The following SNX25 variants were observed in gnomAD, a reference collection of about 807,000 sequenced individuals.
SNX25 encodes the protein sorting nexin 25, also known as sorting nexin-25.
SNX25 carries 62 observed loss-of-function variants against 113.7 expected under a neutral mutation model. The ratio of observed to expected loss-of-function variants is 0.55; its 90% confidence interval spans 0.44 to 0.67. The LOEUF (loss-of-function observed/expected upper bound fraction) is 0.67, where lower values mean the gene tolerates loss of function less well. Among genes scored for constraint, SNX25 ranks in the 30% least tolerant of loss-of-function variants. The pLI, the probability that SNX25 is intolerant of heterozygous loss-of-function variation, is 0.00. For missense variants in SNX25, 1,014 were observed against 1,161.0 expected, an observed-to-expected ratio of 0.87 and a Z score of 1.84; for synonymous variants, 421 against 436.2, an observed-to-expected ratio of 0.97 and a Z score of 0.43.
chr4:185,317,675 A>G (rs1232671261), intron 7 of SNX25, among the ~76,000 whole-genome samples: 1 of 152,168 alleles, frequency 6.6e-6, no homozygotes, highest in Non-Finnish European at 1.5e-5. Flanking sequence ...TTGCAGGGAC[A>G]TGGATGAAGC....
At position 185,232,507 on chromosome 4, in the gene SNX25, A is replaced by G. The variant is rs951777494; in HGVS notation, c.430-14787A>G. 2.4e-4 allele frequency among the ~76,000 whole-genome samples: 36 copies of G among 152,338 alleles called. No homozygotes were observed. Among genetic ancestry groups the G allele is most frequent in the South Asian group, 4.1e-4 (2 of 4,826 alleles). On this transcript the variant is annotated intron_variant, in intron 1 of 18. Coordinates refer to ENST00000652585, the MANE Select transcript of SNX25 (RefSeq NM_001378034.2). This position sits in a 1 kb window ranked among gnomAD's most constrained non-coding sequence, Gnocchi z 4.4. ...TTGTCATGTCCACAGGCCGGATACC[A>G]GTACTTAGATTTATCATGCTTCAAA...
chr4:185,355,146 C>T (rs182711222), intron 15 of SNX25, among the ~76,000 whole-genome samples: 1 of 152,338 alleles, frequency 6.6e-6, no homozygotes, highest in Non-Finnish European at 1.5e-5. Context: ...TCTTAATCCT[C>T]AGTATCTACT....
chr4:185,341,190 A>C (rs2095258104), intron 11 of SNX25, among the ~76,000 whole-genome samples: 1 of 152,246 alleles, frequency 6.6e-6, no homozygotes, highest in South Asian at 2.1e-4. Context: ...GTAGTGGCCT[A>C]TTCTGGATTA....
the SNX25 span, chr4:185,377,306 T>G: frequency 8.2e-5 from 26 of 317,072 alleles, no homozygotes; most frequent in South Asian, 1.2e-4. Context: ...ATCACCTGAG[T>G]TTGGGAGTTC....
At position 185,241,376 on chromosome 4, in the gene SNX25, G is replaced by A. The variant is rs1390009878; in HGVS notation, c.430-5918G>A. Among the ~76,000 whole-genome samples, 111 of 151,092 alleles carry A rather than the reference G, an allele frequency of 7.3e-4. 1 individual carries two copies. The highest frequency in any genetic ancestry group is 2.5e-3 in the African/African-American group (104 of 41,380). ...GCCTGCAATCGCAGGCACTCGGCAGGCTGAGGCAGGAGAATCAGGCAGGGA... is the reference window on the plus strand; with the variant it reads ...GCCTGCAATCGCAGGCACTCGGCAGACTGAGGCAGGAGAATCAGGCAGGGA... On this transcript the variant is annotated intron_variant, in intron 1 of 18. Transcript: ENST00000652585.
intron 6 of SNX25, among the ~76,000 whole-genome samples, chr4:185,304,657 T>C (rs913223801): frequency 1.3e-5 from 2 of 152,082 alleles, no homozygotes; most frequent in Non-Finnish European, 2.9e-5. Context: ...ACACCGGGCC[T>C]AAATTTTTTT....
In SNX25 at chr4:185,313,432, A is replaced by C. The variant is rs143109103; in HGVS notation, c.1344+2616A>C. 4.0e-3 allele frequency among the ~76,000 whole-genome samples: 614 copies of C among 152,294 alleles called. 1 individual carries two copies. Among genetic ancestry groups the C allele is most frequent in the African/African-American group, 0.013 (545 of 41,558 alleles). ...TGTACATGAAGCGAAACCTGACAGAAATGAGAAAAAATGTCACAAGTAGAG... is the reference window on the plus strand; with the variant it reads ...TGTACATGAAGCGAAACCTGACAGACATGAGAAAAAATGTCACAAGTAGAG... On this transcript the variant is annotated intron_variant, in intron 7 of 18. Transcript: ENST00000652585.
intron 1 of SNX25, among the ~76,000 whole-genome samples, chr4:185,214,984 A>T (rs192854570): frequency 1.0e-3 from 153 of 152,278 alleles, no homozygotes; most frequent in African/African-American, 3.6e-3. Flanking sequence ...TAATCCCAGC[A>T]CTTTGGGAGG....
downstream of SNX25, chr4:185,364,991 T>C (rs2095381094): frequency 6.7e-6 from 1 of 149,630 alleles, no homozygotes; most frequent in South Asian, 2.1e-4. Flanking sequence ...CTACAAGGAA[T>C]CTTAGAGAAG....
At chr4:185,275,567 A>G (rs1749560218) in intron 5 of SNX25, among the ~76,000 whole-genome samples, 1 of 152,224 alleles carries the variant, frequency 6.6e-6, no homozygotes, top group African/African-American at 2.4e-5. Flanking sequence ...GTCTGCTTGC[A>G]CATGAAGATA....
intron 2 of SNX25, among the ~76,000 whole-genome samples, chr4:185,252,843 G>C (rs1745869795): frequency 6.6e-6 from 1 of 152,178 alleles, no homozygotes; most frequent in Non-Finnish European, 1.5e-5. Context: ...AAATACTAGA[G>C]CTACAAATGC....
chr4:185,332,079 T>A (rs1416188537), intron 9 of SNX25, among the ~76,000 whole-genome samples: 2 of 152,220 alleles, frequency 1.3e-5, no homozygotes, highest in Non-Finnish European at 2.9e-5. Context: ...GCTATTTTAC[T>A]TGTAAAATAA....
downstream of SNX25, chr4:185,372,856 CT>C (rs1229237158): frequency 1.1e-5 from 17 of 1,598,082 alleles, no homozygotes; most frequent in Non-Finnish European, 1.5e-5. Flanking sequence ...AGACATTCAC[CT>C]TTTGGAAAAT....
chr4:185,262,892 G>A (rs1747526063), intron 3 of SNX25, among the ~76,000 whole-genome samples: 1 of 152,200 alleles, frequency 6.6e-6, no homozygotes, highest in African/African-American at 2.4e-5. Context: ...TGCCACAGAA[G>A]CAGCCCCACC....
the SNX25 span, chr4:185,377,873 ACCTAAC>A: frequency 8.0e-6 from 4 of 497,544 alleles, no homozygotes; most frequent in East Asian, 1.3e-4. Context: ...TAAAATCAAG[ACCTAAC>A]TATCTGTGAG....
chr4:185,290,254 G>A (rs1162287560), intron 6 of SNX25, among the ~76,000 whole-genome samples: 2 of 152,180 alleles, frequency 1.3e-5, no homozygotes, highest in South Asian at 2.1e-4. Flanking sequence ...GGAAGGACAC[G>A]ATTCAGCCCA....
intron 6 of SNX25, among the ~76,000 whole-genome samples, chr4:185,306,250 C>T (rs1348231376): frequency 1.3e-5 from 2 of 152,234 alleles, no homozygotes; most frequent in Non-Finnish European, 2.9e-5. Context: ...CCACGTTAGT[C>T]ATTTAGCTCT....
At chr4:185,227,961 C>T (rs533144710) in intron 1 of SNX25, among the ~76,000 whole-genome samples, 32 of 151,988 alleles carry the variant, frequency 2.1e-4, no homozygotes, top group South Asian at 8.3e-4. Flanking sequence ...ATTTAGAGGC[C>T]GTGAGATGAA....
intron 9 of SNX25, among the ~76,000 whole-genome samples, chr4:185,327,209 C>A (rs2095162910): frequency 6.6e-6 from 1 of 152,132 alleles, no homozygotes; most frequent in Non-Finnish European, 1.5e-5. Flanking sequence ...TAATTATGTA[C>A]TAGGTGGAGA....
Sources: gnomAD v4.1 joint callset for allele counts (sites outside exome capture counted in the v4.1 genomes callset) on GRCh38, gnomAD v4.1.1 for gene constraint, Gnocchi (gnomAD v3.1) non-coding constraint, MANE v1.5 for transcripts, NCBI Gene and HGNC (gene_info 2026-07-23, HGNC 2026-07-21) for gene names.